The following SNAI3 variants were observed in gnomAD, a reference collection of about 807,000 sequenced individuals.
SNAI3 encodes zinc finger protein SNAI3.
SNAI3 carries 21 observed loss-of-function variants against 16.4 expected under a neutral mutation model. That is an observed-to-expected ratio of 1.28 (90% CI 0.91 to 1.85). The LOEUF (loss-of-function observed/expected upper bound fraction) is 1.85. Ranked by LOEUF, SNAI3 falls within the 40% of genes most tolerant of loss-of-function variation. The pLI is 0.00. For missense variants in SNAI3, 457 were observed against 372.8 expected (o/e 1.23, Z -1.86); for synonymous variants, 202 against 166.6 (o/e 1.21, Z -1.64).
At chr16:88,686,273 C>T in intron 1 of SNAI3, 58 bp downstream of exon 1, 1 of 1,581,614 alleles carries the variant, frequency 6.3e-7, no homozygotes, top group Non-Finnish European at 8.6e-7. Flanking sequence ...GCCTCTCTCT[C>T]TCTCCCGCCC....
rs777863025 is a variant in SNAI3 at position 88,681,752 on chromosome 16, C to A, written c.77-38G>T. 2 of 1,394,646 alleles carry A rather than the reference C, an allele frequency of 1.4e-6. No homozygotes were observed. The highest frequency in any genetic ancestry group is 1.9e-6 in the Non-Finnish European group (2 of 1,070,278). The allele number at this position is 1,394,646 out of a possible 1,614,324, so 86.4% of individuals were successfully genotyped here. Reference sequence around the variant, plus strand: ...AGGGGAGAGAATAGAAAGATGAAGACTGAATCCCCAGCACTTTGTGTTTTC... The same window carrying A: ...AGGGGAGAGAATAGAAAGATGAAGAATGAATCCCCAGCACTTTGTGTTTTC... On this transcript the variant is annotated intron_variant, in intron 1 of 2. Transcript: ENST00000332281. This position sits in a 1 kb window ranked among gnomAD's most constrained non-coding sequence, Gnocchi z 5.4.
chr16:88,684,383 G>A (rs944999469), intron 1 of SNAI3, among the ~76,000 whole-genome samples: 7 of 152,342 alleles, frequency 4.6e-5, no homozygotes, highest in Admixed American at 2.6e-4. Context: ...GTCTCGCCCC[G>A]TCAGGCTGAC....
intron 2 of SNAI3, among the ~76,000 whole-genome samples, chr16:88,680,046 A>C (rs1197635781): frequency 2.0e-5 from 3 of 148,632 alleles, no homozygotes; most frequent in Non-Finnish European, 4.4e-5. Flanking sequence ...AAACCACTGC[A>C]CTCCAGCCTG....
At chr16:88,684,287 T>G (rs1361645977) in intron 1 of SNAI3, among the ~76,000 whole-genome samples, 2 of 152,242 alleles carry the variant, frequency 1.3e-5, no homozygotes, top group Non-Finnish European at 2.9e-5. Context: ...CATGGCCACC[T>G]TTCTGCCTCC....
intron 1 of SNAI3, among the ~76,000 whole-genome samples, chr16:88,682,409 A>G (rs756963494): frequency 6.6e-6 from 1 of 152,252 alleles, no homozygotes; most frequent in African/African-American, 2.4e-5. Context: ...TGTTTCCTCT[A>G]TCTGGGGGCT....
intron 2 of SNAI3, among the ~76,000 whole-genome samples, chr16:88,679,385 T>G (rs1218635505): frequency 6.6e-6 from 1 of 152,212 alleles, no homozygotes; most frequent in African/African-American, 2.4e-5. Flanking sequence ...GCCTTCCCTC[T>G]GGCCTGCACC....
chr16:88,678,266 T>G lies in SNAI3; in HGVS notation c.*182A>C. On this transcript the variant is annotated 3_prime_UTR_variant, in exon 3 of 3. Transcript: ENST00000332281. ...CCGCGCGGTGGGATGCCTGGGGGAG[T>G]GTCCTCCGGCCCAGTGGCCCCCGCT... The G allele has an allele frequency of 5.4e-6, 3 of 555,440 alleles. No individual in the cohort carries two copies. Among genetic ancestry groups the G allele is most frequent in the Non-Finnish European group, 9.5e-6 (3 of 314,676 alleles). The allele number at this position is 555,440 out of a possible 1,614,324, so 34.4% of individuals were successfully genotyped here.
rs1169545491 is a variant in SNAI3, at chr16:88,684,556, C to T, written c.76+1775G>A. Among the ~76,000 whole-genome samples the T allele has an allele frequency of 5.9e-5, 9 of 152,230 alleles. No individual in the cohort carries two copies. The South Asian group carries it at 8.3e-4, about 14-fold the overall frequency. Reference sequence around the variant, plus strand: ...TGTCGCCCAGGTTGGAGTGCAGGGGCGCGATCGTGGCTCACTGCAACCTCC... The same window carrying T: ...TGTCGCCCAGGTTGGAGTGCAGGGGTGCGATCGTGGCTCACTGCAACCTCC... On this transcript the variant is annotated intron_variant, in intron 1 of 2. Transcript: ENST00000332281.
rs780586945 is a variant in SNAI3, at chr16:88,681,563, G to A, written c.228C>T (p.Ile76=). The A allele has an allele frequency of 2.0e-6, 3 of 1,509,350 alleles. No homozygotes were observed. The highest frequency in any genetic ancestry group is 2.3e-5 in the Admixed American group (1 of 44,174). The allele number at this position is 1,509,350 out of a possible 1,614,324, so 93.5% of individuals were successfully genotyped here. The change falls in exon 2 of 3, where the codon ATC becomes ATT. Residue 76 remains isoleucine, a synonymous_variant. Transcript: ENST00000332281. This position sits in a 1 kb window ranked among gnomAD's most constrained non-coding sequence, Gnocchi z 5.4. ...GCCCAGAGGCCCCCAGAGCTTCCTC[G>A]ATCCGTGGCAGGAGGGGCAGGGAGA... ...ACISLPLLPR[I]EEALGASGLD... is the part of the protein sequence containing the mutation.
chr16:88,683,018 C>G (rs1263297353), intron 1 of SNAI3, among the ~76,000 whole-genome samples: 2 of 151,410 alleles, frequency 1.3e-5, no homozygotes, highest in Non-Finnish European at 2.9e-5. Flanking sequence ...ACCTCGTGAT[C>G]CACCCTCCTT....
At chr16:88,686,230 G>A in intron 1 of SNAI3, 101 bp downstream of exon 1, 1 of 1,427,760 alleles carries the variant, frequency 7.0e-7, no homozygotes, top group Non-Finnish European at 9.4e-7. Flanking sequence ...CTCCCACCTG[G>A]GACAGGTGTC....
intron 1 of SNAI3, among the ~76,000 whole-genome samples, chr16:88,682,213 CCA>C (rs1909197894): frequency 6.6e-6 from 1 of 152,228 alleles, no homozygotes; most frequent in Non-Finnish European, 1.5e-5. Flanking sequence ...TAATCACCCT[CCA>C]GTCACCCCAC....
At chr16:88,684,017 G>A (rs1909271154) in intron 1 of SNAI3, among the ~76,000 whole-genome samples, 1 of 152,214 alleles carries the variant, frequency 6.6e-6, no homozygotes, top group African/African-American at 2.4e-5. Flanking sequence ...CCAGTGCTGT[G>A]AGGATGAGGA....
At chr16:88,685,226 C>G (rs865836847) in intron 1 of SNAI3, 2 of 152,276 alleles carry the variant, frequency 1.3e-5, no homozygotes, top group Non-Finnish European at 2.9e-5. Context: ...AGTTTCTGCT[C>G]TATTTTATTT....
chr16:88,678,174 A>T lies in SNAI3; in HGVS notation c.*274T>A. The stretch of plus-strand genomic sequence containing the variant: ...TAGCCCCGGAGACCTGGCCGTGTCG[A>T]AATGGAACCATGGCTCTTGTTCTGA... On this transcript the variant is annotated 3_prime_UTR_variant, in exon 3 of 3. Transcript: ENST00000332281. 2.6e-6 allele frequency: 1 copy of T among 391,372 alleles called. No homozygotes were observed. Among genetic ancestry groups the T allele is most frequent in the Non-Finnish European group, 4.6e-6 (1 of 216,372 alleles). The allele number at this position is 391,372 out of a possible 1,614,324, so 24.2% of individuals were successfully genotyped here. A position where few individuals can be genotyped will look rare whatever the true frequency, so the allele number is the denominator to read the frequency against.
At position 88,686,309 on chromosome 16, in the gene SNAI3, T is replaced by G. The variant is rs371715400; in HGVS notation, c.76+22A>C. 13 of 1,607,392 alleles carry G rather than the reference T, an allele frequency of 8.1e-6. No homozygotes were observed. The African/African-American group carries it at 1.5e-4, about 18-fold the overall frequency. On this transcript the variant is annotated intron_variant, in intron 1 of 2. Transcript: ENST00000332281. ...CTCAGGGTCGAGTCCCGGCAGGGGCTCGGGGATCGGGTAGTCAGTACCTCT... is the reference window on the plus strand; with the variant it reads ...CTCAGGGTCGAGTCCCGGCAGGGGCGCGGGGATCGGGTAGTCAGTACCTCT...
chr16:88,685,536 G>A (rs1422203939), intron 1 of SNAI3: 2 of 152,330 alleles, frequency 1.3e-5, no homozygotes, highest in African/African-American at 4.8e-5. Context: ...TGCCAAGCCA[G>A]GTGGGGACTG....
rs1229697262 is a variant in SNAI3 at position 88,681,901 on chromosome 16, G to A, written c.77-187C>T. 5.3e-5 allele frequency among the ~76,000 whole-genome samples: 8 copies of A among 152,172 alleles called. No individual in the cohort carries two copies. Among genetic ancestry groups the A allele is most frequent in the East Asian group, 1.9e-4 (1 of 5,192 alleles). On this transcript the variant is annotated intron_variant, in intron 1 of 2. Transcript: ENST00000332281. The surrounding 1 kb of genome is among the most constrained non-coding windows in gnomAD (Gnocchi z 5.4). ...CGGTGCTGTGCAGGGAAGTGACAGC[G>A]TGGCCAGGAGTGGAGTCATCTAGAA...
intron 1 of SNAI3, among the ~76,000 whole-genome samples, chr16:88,683,553 CT>C (rs35529850): frequency 0.012 from 1,393 of 112,362 alleles, 7 homozygotes; most frequent in East Asian, 0.045. Flanking sequence ...TGCGCCTGGC[CT>C]TTTTTTTTTT....
Sources: gnomAD v4.1 joint callset for allele counts (sites outside exome capture counted in the v4.1 genomes callset) on GRCh38, gnomAD v4.1.1 for gene constraint, Gnocchi (gnomAD v3.1) non-coding constraint, MANE v1.5 for transcripts, NCBI Gene and HGNC (gene_info 2026-07-23, HGNC 2026-07-21) for gene names.